The following RFFL variants were observed in gnomAD, a reference collection of about 807,000 sequenced individuals.
RFFL encodes ring finger and FYVE like domain containing E3 ubiquitin protein ligase, also known as E3 ubiquitin-protein ligase rififylin.
In RFFL, 16 loss-of-function variants were observed where a neutral mutation model predicts 40.4. The observed-to-expected ratio is 0.40, with a 90% CI of 0.27 to 0.60. The LOEUF (loss-of-function observed/expected upper bound fraction) is 0.60. Ranked by LOEUF, RFFL falls within the 20% of genes least tolerant of loss-of-function variation. The pLI is 0.47. For synonymous variants in RFFL, 154 were observed against 167.9 expected (o/e 0.92, Z 0.64); for missense variants, 367 against 451.7 (o/e 0.81, Z 1.70).
chr17:35,067,830 T>G (rs748203621), upstream of RFFL, among the ~76,000 whole-genome samples: 1 of 152,184 alleles, frequency 6.6e-6, no homozygotes, highest in Non-Finnish European at 1.5e-5. Context: ...CCCTAAGCAC[T>G]GTTTAGAGTA....
At chr17:35,077,751 T>G (rs2091384251) in intron 1 of RFFL, among the ~76,000 whole-genome samples, 1 of 152,218 alleles carries the variant, frequency 6.6e-6, no homozygotes, top group Admixed American at 6.5e-5. Context: ...CAACACAAAT[T>G]CATAAACTTT....
chr17:35,077,833 A>T (rs1312389713), intron 1 of RFFL, among the ~76,000 whole-genome samples: 1 of 152,214 alleles, frequency 6.6e-6, no homozygotes, highest in African/African-American at 2.4e-5. Flanking sequence ...AATGTGGCCC[A>T]GGGAGGCCAA....
chr17:35,072,455 G>A (rs1268498379), intron 1 of RFFL, among the ~76,000 whole-genome samples: 1 of 152,038 alleles, frequency 6.6e-6, no homozygotes. Context: ...CCAGAGATTA[G>A]GACAGTAGGG....
Position 35,038,062 on chromosome 17 carries a change from C to T in RFFL, c.-8-11501G>A, listed in dbSNP as rs113971619. ...CAGCACTTTGGGAGGCTAAGTCGGA[C>T]GGATCACCTGAGGTCAGAAGTTCGA... is the stretch of plus-strand genomic sequence containing the variant. On this transcript the variant is annotated intron_variant, in intron 1 of 6. Transcript: ENST00000394597. Among the ~76,000 whole-genome samples the T allele has an allele frequency of 3.3e-3, 501 of 152,040 alleles. 2 individuals carry two copies. Among genetic ancestry groups the T allele is most frequent in the African/African-American group, 0.012 (477 of 41,462 alleles).
intron 1 of RFFL, among the ~76,000 whole-genome samples, chr17:35,056,129 A>G (rs1415440297): frequency 6.6e-6 from 1 of 152,030 alleles, no homozygotes; most frequent in African/African-American, 2.4e-5. Flanking sequence ...GGTCTTGGGT[A>G]TTGACTTGCC....
chr17:35,017,403 T>C lies in RFFL; in HGVS notation c.675+120A>G, dbSNP rs2090980847. On this transcript the variant is annotated intron_variant, in intron 4 of 6. Coordinates refer to ENST00000394597, the MANE Select transcript of RFFL (RefSeq NM_001017368.2). The stretch of plus-strand genomic sequence containing the variant: ...AACACTAAACCCTACCCCAAAAATA[T>C]AATTTCGGAAGCACTATCATCACAC... 1.6e-5 allele frequency: 11 copies of C among 694,178 alleles called. No homozygotes were observed. In the South Asian group the frequency reaches 1.7e-4, roughly 11 times the overall value. The allele number at this position is 694,178 out of a possible 1,614,324, so 43.0% of individuals were successfully genotyped here.
intron 1 of RFFL, among the ~76,000 whole-genome samples, chr17:35,045,813 C>T (rs1462261139): frequency 2.0e-5 from 3 of 151,948 alleles, no homozygotes; most frequent in African/African-American, 7.2e-5. Context: ...CACCTGAGGT[C>T]AGGAGTTTGA....
chr17:35,062,173 G>A (rs1167918278), intron 1 of RFFL, among the ~76,000 whole-genome samples: 1 of 151,806 alleles, frequency 6.6e-6, no homozygotes, highest in Non-Finnish European at 1.5e-5. Flanking sequence ...GGGAGGCCAA[G>A]GCAGGTGGAC....
rs753322231 is a variant in RFFL at position 35,021,725 on chromosome 17, C to G, written c.237G>C (p.Gly79=). 1 of 1,614,222 alleles carries G rather than the reference C, an allele frequency of 6.2e-7. No individual in the cohort carries two copies. The highest frequency in any genetic ancestry group is 8.5e-7 in the Non-Finnish European group (1 of 1,180,034). Residue 79 remains glycine, a synonymous_variant, in exon 3 of 7, where the codon GGG becomes GGC. Transcript: ENST00000394597. ...AGAGAAGGCAGAGGCGGGGCCCATT[C>G]CCTACTTGGCTCGAACAGGTCATGC... is the stretch of plus-strand genomic sequence containing the variant. ...NFCMTCSSQV[G]NGPRLCLLCQ... is the part of the protein sequence containing the mutation.
intron 1 of RFFL, among the ~76,000 whole-genome samples, chr17:35,037,707 GC>G (rs1281712639): frequency 6.6e-6 from 1 of 152,154 alleles, no homozygotes; most frequent in Non-Finnish European, 1.5e-5. Context: ...GCAAAGCCAA[GC>G]TTTGAACCTT....
At chr17:35,060,238 G>T (rs2091283379) in intron 1 of RFFL, among the ~76,000 whole-genome samples, 2 of 152,138 alleles carry the variant, frequency 1.3e-5, no homozygotes, top group South Asian at 2.1e-4. Flanking sequence ...TTCAATCAAG[G>T]TCTCTAACCA....
At chr17:35,035,798 G>A (rs1020651359) in intron 1 of RFFL, among the ~76,000 whole-genome samples, 1 of 151,824 alleles carries the variant, frequency 6.6e-6, no homozygotes, top group Admixed American at 6.6e-5. Context: ...CCATCTCCAG[G>A]GTTCAAGCGA....
At chr17:35,045,983 A>C (rs1318618430) in intron 1 of RFFL, among the ~76,000 whole-genome samples, 2 of 150,488 alleles carry the variant, frequency 1.3e-5, no homozygotes, top group Non-Finnish European at 3.0e-5. Flanking sequence ...CCAAGATTGC[A>C]CACTGCACTC....
In RFFL at chr17:35,012,030, T is replaced by C; in HGVS notation, c.1030A>G (p.Met344Val). Residue 344 changes from methionine (M) to valine (V), a missense_variant, in exon 7 of 7, where the codon ATG becomes GTG. Coordinates refer to ENST00000394597, the MANE Select transcript of RFFL (RefSeq NM_001017368.2). Reference sequence around the variant, plus strand: ...TGCCGGCAGATGGGACATTCATTCATGCGCTTGCCACACTTGGTACAGGTT... The same window carrying C: ...TGCCGGCAGATGGGACATTCATTCACGCGCTTGCCACACTTGGTACAGGTT... ...MVTCTKCGKRMNECPICRQYV... is the reference protein window; with the variant it reads ...MVTCTKCGKRVNECPICRQYV... 1 of 1,614,202 alleles carries C rather than the reference T, an allele frequency of 6.2e-7. No homozygotes were observed. Among genetic ancestry groups the C allele is most frequent in the South Asian group, 1.1e-5 (1 of 91,082 alleles).
At chr17:35,020,471 T>A (rs80156344) in intron 3 of RFFL, among the ~76,000 whole-genome samples, 42 of 150,758 alleles carry the variant, frequency 2.8e-4, no homozygotes, top group African/African-American at 1.0e-3. Flanking sequence ...TATGAAAATC[T>A]AACTAATGCC....
At position 35,010,546 on chromosome 17, in the gene RFFL, G is replaced by T. The variant is rs11658051; in HGVS notation, c.*1422C>A. The T allele has an allele frequency of 0.14, 20,718 of 152,110 alleles. 1,789 individuals are homozygous for T. Among genetic ancestry groups the T allele is most frequent in the Non-Finnish European group, 0.2 (13,319 of 68,022 alleles). 9.4% of individuals were successfully genotyped at this position (152,110 alleles called of 1,614,324 possible). A position where few individuals can be genotyped will look rare whatever the true frequency, so the allele number is the denominator to read the frequency against. On this transcript the variant is annotated 3_prime_UTR_variant, in exon 7 of 7. Coordinates refer to ENST00000394597, the MANE Select transcript of RFFL (RefSeq NM_001017368.2). ...AGGCGGGCGGATCATAAGGTCAAGA[G>T]TTCAAGACCAGCCTGGTGAACATGG...
At chr17:35,012,201 T>A in intron 6 of RFFL, 52 bp from the exon 7 acceptor site, 5 of 1,549,096 alleles carry the variant, frequency 3.2e-6, no homozygotes, top group Non-Finnish European at 4.4e-6. Flanking sequence ...GAGGAGAATG[T>A]CTTAAGTGTA....
chr17:35,038,540 A>C (rs2091141067), intron 1 of RFFL, among the ~76,000 whole-genome samples: 1 of 152,224 alleles, frequency 6.6e-6, no homozygotes, highest in Non-Finnish European at 1.5e-5. Context: ...GAAACAACTG[A>C]AGTGTCCATC....
At chr17:35,048,991 T>C (rs2091216372) in intron 1 of RFFL, among the ~76,000 whole-genome samples, 2 of 152,200 alleles carry the variant, frequency 1.3e-5, no homozygotes, top group South Asian at 4.1e-4. Context: ...TCTCTTGGTG[T>C]CACAAAAACC....
Sources: allele counts gnomAD v4.1 joint callset (sites outside exome capture counted in the v4.1 genomes callset), GRCh38; gene constraint gnomAD v4.1.1; transcripts MANE v1.5; gene names NCBI Gene and HGNC (gene_info 2026-07-23, HGNC 2026-07-21).